The following CSMD1 variants were observed in gnomAD, a reference collection of about 807,000 sequenced individuals.
CSMD1 encodes CUB and sushi domain-containing protein 1.
In CSMD1, 213 loss-of-function variants were observed where a neutral mutation model predicts 417.5. The ratio of observed to expected loss-of-function variants is 0.51; its 90% CI spans 0.46 to 0.57. The LOEUF is 0.57. Among genes scored for constraint, CSMD1 ranks in the 20% least tolerant of loss-of-function variants. The pLI, the probability that CSMD1 is intolerant of heterozygous loss-of-function variation, is 0.00. For missense variants in CSMD1, 6,923 were observed against 4,529.7 expected (o/e 1.53, Z -15.17); for synonymous variants, 2,862 against 1,736.8 (o/e 1.65, Z -16.11).
intron 1 of CSMD1, among the ~76,000 whole-genome samples, chr8:4,868,698 G>C (rs569708435): frequency 1.3e-5 from 2 of 151,988 alleles, no homozygotes; most frequent in South Asian, 2.1e-4. Context: ...TGGTGTCTTG[G>C]TCGAAAGTAT....
intron 26 of CSMD1, among the ~76,000 whole-genome samples, chr8:3,258,068 C>T (rs1326926236): frequency 6.6e-6 from 1 of 152,102 alleles, no homozygotes; most frequent in South Asian, 2.1e-4. Context: ...GCCCCATTCT[C>T]ATAAATTTTA....
chr8:3,941,907 T>C, intron 5 of CSMD1, among the ~76,000 whole-genome samples: 1 of 152,098 alleles, frequency 6.6e-6, no homozygotes, highest in East Asian at 1.9e-4. Flanking sequence ...AATTGGGCCA[T>C]ACAGCAGGAG....
chr8:3,930,377 C>G (rs1404626008), intron 5 of CSMD1, among the ~76,000 whole-genome samples: 2 of 150,730 alleles, frequency 1.3e-5, no homozygotes, highest in African/African-American at 2.4e-5. Context: ...GTTCTTAGCT[C>G]ACACAACTTA....
Position 2,954,256 on chromosome 8 carries a change from C to A in CSMD1, c.10007G>T (p.Arg3336Ile). 1 of 1,494,238 alleles carries A rather than the reference C, an allele frequency of 6.7e-7. No homozygotes were observed. Among genetic ancestry groups the A allele is most frequent in the Non-Finnish European group, 9.1e-7 (1 of 1,101,532 alleles). 92.6% of individuals were successfully genotyped at this position (1,494,238 alleles called of 1,614,324 possible). Residue 3336 changes from arginine (R) to isoleucine (I), a missense_variant, in exon 65 of 70, where the codon AGA (arginine) becomes ATA (isoleucine). Arg to Ile is a moderately conservative substitution (Grantham distance 97). Transcript: ENST00000635120. Reference protein sequence around the residue: ...KSPVCKSKGVREVNETVTKTP... With the variant: ...KSPVCKSKGVIEVNETVTKTP... Reference sequence around the variant, plus strand: ...TTTAGTAACTGTTTCATTAACTTCTCTCACTCCTTTACCTACAAGTAAAAA... The same window carrying A: ...TTTAGTAACTGTTTCATTAACTTCTATCACTCCTTTACCTACAAGTAAAAA...
intron 7 of CSMD1, among the ~76,000 whole-genome samples, chr8:3,656,415 T>C (rs1236092884): frequency 6.6e-6 from 1 of 152,192 alleles, no homozygotes; most frequent in African/African-American, 2.4e-5. Flanking sequence ...GTGCATCACC[T>C]ATACACAGCA....
intron 3 of CSMD1, among the ~76,000 whole-genome samples, chr8:4,361,105 T>C (rs1181992341): frequency 2.6e-5 from 4 of 152,194 alleles, no homozygotes; most frequent in Admixed American, 6.5e-5. Flanking sequence ...ACACACTGTG[T>C]GGATGCTGAA....
At chr8:3,587,450 A>C (rs1272070506) in intron 8 of CSMD1, among the ~76,000 whole-genome samples, 1 of 152,230 alleles carries the variant, frequency 6.6e-6, no homozygotes, top group Non-Finnish European at 1.5e-5. Flanking sequence ...GTGAAGGAAA[A>C]GAAGCACAGT....
intron 33 of CSMD1, among the ~76,000 whole-genome samples, chr8:3,197,526 C>A (rs893504577): frequency 6.8e-6 from 1 of 147,166 alleles, no homozygotes; most frequent in African/African-American, 2.5e-5. Context: ...AGTGCAGTGG[C>A]GCGATCTCCA....
chr8:4,920,608 A>T (rs1178963184), intron 1 of CSMD1, among the ~76,000 whole-genome samples: 1 of 152,004 alleles, frequency 6.6e-6, no homozygotes, highest in Non-Finnish European at 1.5e-5. Context: ...GATCACCTGA[A>T]GTCAGGAGTT....
Position 3,849,913 on chromosome 8 carries a change from C to A in CSMD1, c.819-95871G>T, listed in dbSNP as rs116244197. ...TTCCTGCAACCTCCACCTCCCAGTTCAAGCAATTCTCCAGCCTCAGCCTCC... is the reference window on the plus strand; with the variant it reads ...TTCCTGCAACCTCCACCTCCCAGTTAAAGCAATTCTCCAGCCTCAGCCTCC... On this transcript the variant is annotated intron_variant, in intron 5 of 69. Transcript: ENST00000635120. 5.7e-3 allele frequency among the ~76,000 whole-genome samples: 861 copies of A among 152,260 alleles called. 8 individuals carry two copies. The highest frequency in any genetic ancestry group is 0.019 in the African/African-American group (807 of 41,544).
intron 5 of CSMD1, among the ~76,000 whole-genome samples, chr8:3,878,874 C>A (rs1806011984): frequency 6.6e-6 from 1 of 152,120 alleles, no homozygotes; most frequent in Non-Finnish European, 1.5e-5. Flanking sequence ...ACTGACTGAG[C>A]TTAATTATTC....
At position 4,853,586 on chromosome 8, in the gene CSMD1, G is replaced by C. The variant is rs1396696577; in HGVS notation, c.85+140746C>G. ...TGCCACAAAGGTAGAGTCCCACACA[G>C]ATATTTGAATAGGGCAGTGCCAAAG... On this transcript the variant is annotated intron_variant, in intron 1 of 69. Transcript: ENST00000635120. Among the ~76,000 whole-genome samples the C allele has an allele frequency of 3.3e-5, 5 of 152,240 alleles. No individual in the cohort carries two copies. The South Asian group carries it at 8.3e-4, about 25-fold the overall frequency.
intron 12 of CSMD1, among the ~76,000 whole-genome samples, chr8:3,438,595 C>A (rs1015185384): frequency 6.6e-6 from 1 of 152,160 alleles, no homozygotes; most frequent in African/African-American, 2.4e-5. Flanking sequence ...CTTTTTATTG[C>A]TGAGTGGGAT....
intron 1 of CSMD1, among the ~76,000 whole-genome samples, chr8:4,957,817 G>C (rs1299141339): frequency 6.6e-6 from 1 of 152,146 alleles, no homozygotes; most frequent in Non-Finnish European, 1.5e-5. Flanking sequence ...AGCTAAGTAG[G>C]TGGATAGTAC....
chr8:4,320,319 C>G (rs934168470), intron 3 of CSMD1, among the ~76,000 whole-genome samples: 5 of 152,142 alleles, frequency 3.3e-5, no homozygotes, highest in African/African-American at 9.7e-5. Context: ...TACCTTCAGG[C>G]TATTTGTTTT....
Position 3,794,477 on chromosome 8 carries a change from G to C in CSMD1, c.819-40435C>G, listed in dbSNP as rs144565580. ...TATAAACCAATTAAATCAACAAATA[G>C]TTTTTCATAGCTACTCTCTGCATTA... On this transcript the variant is annotated intron_variant, in intron 5 of 69. Coordinates refer to ENST00000635120, the MANE Select transcript of CSMD1 (RefSeq NM_033225.6). 7.2e-5 allele frequency among the ~76,000 whole-genome samples: 11 copies of C among 152,092 alleles called. No individual in the cohort carries two copies. The East Asian group carries it at 1.4e-3, about 19-fold the overall frequency.
At chr8:3,902,585 A>G (rs748255190) in intron 5 of CSMD1, among the ~76,000 whole-genome samples, 10 of 152,074 alleles carry the variant, frequency 6.6e-5, no homozygotes, top group Non-Finnish European at 1.3e-4. Context: ...AGTAGGGTTC[A>G]CGATCCTATG....
chr8:3,161,121 G>A lies in CSMD1; in HGVS notation c.5844+1038C>T, dbSNP rs1819865024. ...GTCAATCGACCTATATATTTCTCCT[G>A]ACTTTAGAATATACATGTTTTGATT... On this transcript the variant is annotated intron_variant, in intron 38 of 69. Coordinates refer to ENST00000635120, the MANE Select transcript of CSMD1 (RefSeq NM_033225.6). Among the ~76,000 whole-genome samples, 3 of 152,124 alleles carry A rather than the reference G, an allele frequency of 2.0e-5. No homozygotes were observed. In the South Asian group the frequency reaches 6.2e-4, roughly 32 times the overall value.
At chr8:3,612,179 T>C (rs912969243) in intron 8 of CSMD1, among the ~76,000 whole-genome samples, 2 of 152,052 alleles carry the variant, frequency 1.3e-5, no homozygotes, top group Non-Finnish European at 2.9e-5. Flanking sequence ...ACAAATTTGA[T>C]TTCAGAGTAA....
Sources: allele counts gnomAD v4.1 joint callset (sites outside exome capture counted in the v4.1 genomes callset), GRCh38; gene constraint gnomAD v4.1.1; transcripts MANE v1.5; gene names NCBI Gene and HGNC (gene_info 2026-07-23, HGNC 2026-07-21).